The following GNAQ variants were observed in gnomAD, a reference collection of about 807,000 sequenced individuals.
GNAQ encodes G protein subunit alpha q, also known as guanine nucleotide-binding protein G(q) subunit alpha.
In GNAQ, 8 loss-of-function variants were observed where a neutral mutation model predicts 43.9. The observed-to-expected ratio is 0.18, with a 90% CI of 0.11 to 0.33. GNAQ has a LOEUF of 0.33. Ranked by LOEUF, GNAQ falls within the 10% of genes least tolerant of loss-of-function variation. GNAQ has a pLI of 1.00. For missense variants in GNAQ, 158 were observed against 450.8 expected (o/e 0.35, Z 5.88); for synonymous variants, 155 against 170.7 (o/e 0.91, Z 0.71).
rs1829009386 is a variant in GNAQ at position 77,922,221 on chromosome 9, C to A, written c.261G>T (p.Met87Ile). The A allele has an allele frequency of 6.2e-7, 1 of 1,612,972 alleles. No individual in the cohort carries two copies. Among genetic ancestry groups the A allele is most frequent in the Non-Finnish European group, 8.5e-7 (1 of 1,178,966 alleles). ...TGTCCATGGCTCTGATCATGGCCTG[C>A]ATGGCCGTGAAGATGTTCTGATACA... is the stretch of plus-strand genomic sequence containing the variant. Reference protein sequence around the residue: ...KLVYQNIFTAMQAMIRAMDTL... With the variant: ...KLVYQNIFTAIQAMIRAMDTL... The change falls in exon 2 of 7, where the codon ATG becomes ATT. Residue 87 changes from methionine (M) to isoleucine (I), a missense_variant. This residue lies in a region of GNAQ where 57 missense variants were observed against 78.2 expected (regional missense o/e 0.73). Transcript: ENST00000286548.
At chr9:77,823,466 A>T (rs1485929943) in intron 2 of GNAQ, among the ~76,000 whole-genome samples, 1 of 152,216 alleles carries the variant, frequency 6.6e-6, no homozygotes, top group Non-Finnish European at 1.5e-5. Context: ...AGTATTAAAA[A>T]GGCTACCAAA....
chr9:77,963,174 A>T (rs748479232), intron 1 of GNAQ, among the ~76,000 whole-genome samples: 5 of 152,192 alleles, frequency 3.3e-5, no homozygotes, highest in Non-Finnish European at 7.3e-5. Context: ...CCCCAAAGAA[A>T]TCAGCAGTTT....
chr9:77,784,974 C>T (rs576058027), intron 5 of GNAQ, among the ~76,000 whole-genome samples: 1 of 152,338 alleles, frequency 6.6e-6, no homozygotes, highest in Non-Finnish European at 1.5e-5. Context: ...AGAACACATA[C>T]ACACTGTTGG....
At chr9:77,887,687 A>G (rs9695575) in intron 2 of GNAQ, among the ~76,000 whole-genome samples, 87,539 of 152,094 alleles carry the variant, frequency 0.58, 27,224 homozygotes, top group South Asian at 0.72. Flanking sequence ...GAATGTTCCT[A>G]TTATTGTTCT....
intron 1 of GNAQ, among the ~76,000 whole-genome samples, chr9:77,936,506 A>C (rs1163008076): frequency 6.6e-6 from 1 of 152,182 alleles, no homozygotes; most frequent in African/African-American, 2.4e-5. Context: ...ATCATAGAAA[A>C]GATAAAAAAG....
chr9:78,005,245 A>G (rs1027936213), intron 1 of GNAQ, among the ~76,000 whole-genome samples: 1 of 152,092 alleles, frequency 6.6e-6, no homozygotes, highest in Admixed American at 6.5e-5. Flanking sequence ...GGTGTTCTTC[A>G]TGTTGCCCAG....
At chr9:77,831,152 A>G (rs1827292205) in intron 2 of GNAQ, among the ~76,000 whole-genome samples, 1 of 152,252 alleles carries the variant, frequency 6.6e-6, no homozygotes, top group African/African-American at 2.4e-5. Context: ...TGAGACATTA[A>G]AAGTAAGTAG....
chr9:77,772,216 C>T (rs1826232837), intron 5 of GNAQ, among the ~76,000 whole-genome samples: 1 of 152,174 alleles, frequency 6.6e-6, no homozygotes, highest in African/African-American at 2.4e-5. Context: ...AATAATTCAC[C>T]TGACTGTGAT....
intron 1 of GNAQ, among the ~76,000 whole-genome samples, chr9:78,016,057 G>A (rs1035331307): frequency 2.0e-5 from 3 of 151,942 alleles, no homozygotes; most frequent in Admixed American, 2.0e-4. Context: ...ATATTCACAC[G>A]CAAAGGATTA....
At chr9:77,759,676 T>C (rs1825958375) in intron 5 of GNAQ, among the ~76,000 whole-genome samples, 1 of 152,114 alleles carries the variant, frequency 6.6e-6, no homozygotes, top group African/African-American at 2.4e-5. Context: ...CCTAGATAAC[T>C]TGTGAAAAGG....
chr9:77,909,968 T>C (rs537941100), intron 2 of GNAQ, among the ~76,000 whole-genome samples: 1 of 152,324 alleles, frequency 6.6e-6, no homozygotes, highest in African/African-American at 2.4e-5. Context: ...TGGATATACA[T>C]GCTTGTACTA....
chr9:78,021,786 G>A (rs1357229251), intron 1 of GNAQ, among the ~76,000 whole-genome samples: 1 of 152,198 alleles, frequency 6.6e-6, no homozygotes, highest in Non-Finnish European at 1.5e-5. Context: ...GAGAAGCAAC[G>A]CTTAAAGCCC....
At chr9:77,725,974 T>G (rs1469847763) in intron 6 of GNAQ, among the ~76,000 whole-genome samples, 1 of 152,156 alleles carries the variant, frequency 6.6e-6, no homozygotes, top group Non-Finnish European at 1.5e-5. Context: ...TCTCACACGC[T>G]GATTCTTACC....
At chr9:77,958,009 AG>A (rs1253875659) in intron 1 of GNAQ, among the ~76,000 whole-genome samples, 1 of 152,224 alleles carries the variant, frequency 6.6e-6, no homozygotes, top group African/African-American at 2.4e-5. Context: ...ACCTTTACAA[AG>A]GTTTCTTAAA....
At chr9:77,914,265 A>G (rs937591713) in intron 2 of GNAQ, among the ~76,000 whole-genome samples, 6 of 152,218 alleles carry the variant, frequency 3.9e-5, no homozygotes, top group Non-Finnish European at 7.3e-5. Flanking sequence ...TTCAACTCCC[A>G]AGAGTCCTGG....
chr9:77,764,463 T>TC (rs1826101061), intron 5 of GNAQ, among the ~76,000 whole-genome samples: 1 of 151,972 alleles, frequency 6.6e-6, no homozygotes, highest in African/African-American at 2.4e-5. Context: ...AAAATACTTT[T>TC]TTTTTTTTTT....
chr9:77,941,871 C>T (rs1829318756), intron 1 of GNAQ, among the ~76,000 whole-genome samples: 1 of 149,928 alleles, frequency 6.7e-6, no homozygotes, highest in East Asian at 2.0e-4. Flanking sequence ...AACCTCATAC[C>T]AGTTCTCGAA....
At chr9:77,862,967 T>G (rs571920674) in intron 2 of GNAQ, among the ~76,000 whole-genome samples, 3 of 152,108 alleles carry the variant, frequency 2.0e-5, no homozygotes, top group African/African-American at 7.2e-5. Context: ...TCACCTGAGG[T>G]CAGGAGTTTG....
chr9:77,886,920 C>A (rs995235226), intron 2 of GNAQ, among the ~76,000 whole-genome samples: 1 of 150,492 alleles, frequency 6.6e-6, no homozygotes, highest in African/African-American at 2.4e-5. Flanking sequence ...ACCAGCCTGG[C>A]CAACACAGTG....
Sources: gnomAD v4.1 joint callset for allele counts (sites outside exome capture counted in the v4.1 genomes callset) on GRCh38, gnomAD v4.1.1 for gene constraint, gnomAD v4.1.1 regional missense constraint, MANE v1.5 for transcripts, NCBI Gene and HGNC (gene_info 2026-07-23, HGNC 2026-07-21) for gene names.